Variants in PKHD1 observed in about 807,000 individuals in gnomAD.
PKHD1 encodes fibrocystin.
A neutral mutation model predicts 412.0 loss-of-function variants in PKHD1; 291 were observed. The ratio of observed to expected loss-of-function variants is 0.71; its 90% CI spans 0.64 to 0.78. The LOEUF is 0.78. PKHD1 is among the 30% of genes least tolerant of loss of function. The probability of loss-of-function intolerance (pLI) is 0.00; values close to 1 mark genes in which losing one functional copy is unlikely to be tolerated. For missense variants in PKHD1, 4,825 were observed against 4,950.7 expected (o/e 0.97, Z 0.76); for synonymous variants, 1,777 against 1,821.5 (o/e 0.98, Z 0.62).
At chr6:51,923,414 C>T (rs749026611) in intron 37 of PKHD1, among the ~76,000 whole-genome samples, 2 of 151,508 alleles carry the variant, frequency 1.3e-5, no homozygotes, top group Non-Finnish European at 2.9e-5. Flanking sequence ...TGTGGCTGTG[C>T]CTCAATAAAA....
chr6:51,900,239 C>T (rs1214238249), intron 43 of PKHD1, among the ~76,000 whole-genome samples: 2 of 152,178 alleles, frequency 1.3e-5, no homozygotes, highest in Non-Finnish European at 2.9e-5. Context: ...AAGAACAAAG[C>T]TGGAGGCATC....
At chr6:51,903,932 A>G in intron 42 of PKHD1, 54 bp downstream of exon 42, 1 of 1,246,754 alleles carries the variant, frequency 8.0e-7, no homozygotes, top group Non-Finnish European at 1.2e-6. Context: ...TCTATAAAAT[A>G]TATGACAATT....
intron 52 of PKHD1, among the ~76,000 whole-genome samples, chr6:51,817,334 G>GAAA (rs56130101): frequency 4.0e-5 from 6 of 151,164 alleles, no homozygotes; most frequent in Non-Finnish European, 8.8e-5. Context: ...GATTTAGTAA[G>GAAA]AAAAAAAAAT....
chr6:51,783,257 T>C (rs1792313390), intron 53 of PKHD1, among the ~76,000 whole-genome samples: 1 of 152,104 alleles, frequency 6.6e-6, no homozygotes, highest in South Asian at 2.1e-4. Flanking sequence ...GGTTGGGGCA[T>C]ATCTTGTTGA....
intron 35 of PKHD1, among the ~76,000 whole-genome samples, chr6:51,966,459 C>G (rs1432723932): frequency 6.6e-6 from 1 of 152,144 alleles, no homozygotes; most frequent in African/African-American, 2.4e-5. Flanking sequence ...TAAGCAGTTC[C>G]CAGCTTGACT....
At chr6:51,723,372 T>C (rs1054125140) in intron 60 of PKHD1, among the ~76,000 whole-genome samples, 7 of 152,208 alleles carry the variant, frequency 4.6e-5, no homozygotes, top group Non-Finnish European at 8.8e-5. Flanking sequence ...GTGCTCAACC[T>C]CCTGCACTAT....
At chr6:51,965,904 T>C (rs1266447753) in intron 35 of PKHD1, among the ~76,000 whole-genome samples, 4 of 152,164 alleles carry the variant, frequency 2.6e-5, no homozygotes, top group African/African-American at 9.6e-5. Context: ...TCTTTTATCG[T>C]TTCCTCTATT....
chr6:51,958,751 T>C (rs1791542800), intron 36 of PKHD1, among the ~76,000 whole-genome samples: 1 of 152,002 alleles, frequency 6.6e-6, no homozygotes, highest in South Asian at 2.1e-4. Flanking sequence ...TAATTTTCCT[T>C]TGTCATTGCT....
rs1467105718 is a variant in PKHD1 at position 51,791,256 on chromosome 6, G to A, written c.8420C>T (p.Ala2807Val). ...CTCACCAACTTTCAGCTCCCCGCCT[G>A]CAATGACCATGCATGCCACACTCAG... is the stretch of plus-strand genomic sequence containing the variant. ...NVLSVACMVI[A>V]GGELKVGTLE... The change falls in exon 53 of 67, where the codon GCA (alanine) becomes GTA (valine). Residue 2807 changes from alanine to valine, a missense_variant. By Grantham distance (64) the Ala-to-Val change is moderately conservative. Coordinates refer to ENST00000371117, the MANE Select transcript of PKHD1 (RefSeq NM_138694.4). 5 of 1,613,906 alleles carry A rather than the reference G, an allele frequency of 3.1e-6. No individual in the cohort carries two copies. In the African/African-American group the frequency reaches 6.7e-5, roughly 22 times the overall value.
chr6:51,825,121 T>TTTGAATTATTGAACTATTG (rs1767102353), intron 52 of PKHD1, among the ~76,000 whole-genome samples: 4 of 152,312 alleles, frequency 2.6e-5, no homozygotes, highest in African/African-American at 4.8e-5. Context: ...TAAAGCACTT[T>TTTGAATTATTGAACTATTG]TTGAATTAAG....
At chr6:51,940,001 A>G (rs1788220589) in intron 36 of PKHD1, among the ~76,000 whole-genome samples, 1 of 151,594 alleles carries the variant, frequency 6.6e-6, no homozygotes, top group Non-Finnish European at 1.5e-5. Context: ...AGCTAAAGGC[A>G]TAGTCAAGGT....
intron 37 of PKHD1, among the ~76,000 whole-genome samples, chr6:51,917,820 C>G (rs902723090): frequency 1.3e-5 from 2 of 152,100 alleles, no homozygotes; most frequent in African/African-American, 2.4e-5. Context: ...ACAGGCCCTC[C>G]CATAGCACTT....
intron 49 of PKHD1, among the ~76,000 whole-genome samples, chr6:51,850,577 G>A (rs1262156785): frequency 6.6e-6 from 1 of 152,090 alleles, no homozygotes; most frequent in Non-Finnish European, 1.5e-5. Flanking sequence ...CTTGAGCAGT[G>A]GTTTGTAGTT....
intron 5 of PKHD1, among the ~76,000 whole-genome samples, chr6:52,078,711 C>T (rs1249853744): frequency 6.6e-6 from 1 of 152,122 alleles, no homozygotes; most frequent in East Asian, 1.9e-4. Context: ...CCTAACCAAT[C>T]TTTTAATAAG....
In PKHD1 at chr6:51,855,878, G is replaced by T; in HGVS notation, c.7911+15C>A. On this transcript the variant is annotated intron_variant, in intron 49 of 66. Transcript: ENST00000371117. The stretch of plus-strand genomic sequence containing the variant: ...TGAGAATGCAGCATACCAACTAATG[G>T]ATTCCTTGGGTTACCTGCAGAGATC... The T allele has an allele frequency of 6.3e-7, 1 of 1,587,808 alleles. No individual in the cohort carries two copies. The highest frequency in any genetic ancestry group is 8.6e-7 in the Non-Finnish European group (1 of 1,156,092).
At chr6:51,986,164 T>C (rs763267678) in intron 35 of PKHD1, among the ~76,000 whole-genome samples, 7 of 152,204 alleles carry the variant, frequency 4.6e-5, no homozygotes, top group Non-Finnish European at 1.0e-4. Context: ...ATAGCATTTG[T>C]CTCTAATATT....
At position 51,632,718 on chromosome 6, in the gene PKHD1, TG is replaced by T. The variant is rs1209870424; in HGVS notation, c.11511del (p.Asn3838IlefsTer14). On this transcript the variant is annotated frameshift_variant, in exon 65 of 67. Transcript: ENST00000371117. LOFTEE classifies it high-confidence loss of function. ...FIFTVTSPPG[V>X]NFTARSKPFA... ...AATGGCTTGGATCGAGCTGTAAAAT[TG>T]ACTCCTGTGGCGGGGAAAAGAAGAT... The T allele has an allele frequency of 1.2e-6, 2 of 1,612,802 alleles. No homozygotes were observed.
intron 35 of PKHD1, among the ~76,000 whole-genome samples, chr6:51,969,759 G>A (rs1377035938): frequency 1.3e-5 from 2 of 151,860 alleles, no homozygotes; most frequent in African/African-American, 4.8e-5. Flanking sequence ...ATGTATGTGT[G>A]TATATATATG....
chr6:51,803,670 C>T (rs1763260008), intron 52 of PKHD1, among the ~76,000 whole-genome samples: 1 of 151,478 alleles, frequency 6.6e-6, no homozygotes, highest in Non-Finnish European at 1.5e-5. Flanking sequence ...GCCAAAGAAA[C>T]AAACATAAAT....
Sources: gnomAD v4.1 joint callset for allele counts (sites outside exome capture counted in the v4.1 genomes callset) on GRCh38, gnomAD v4.1.1 for gene constraint, MANE v1.5 for transcripts, NCBI Gene and HGNC (gene_info 2026-07-23, HGNC 2026-07-21) for gene names.